The following KCNK13 variants were observed in gnomAD, a reference collection of about 807,000 sequenced individuals.
KCNK13 encodes the protein potassium two pore domain channel subfamily K member 13.
KCNK13 carries 12 observed loss-of-function variants against 23.4 expected under a neutral mutation model. The ratio of observed to expected loss-of-function variants is 0.51; its 90% CI spans 0.33 to 0.83. KCNK13 has a LOEUF of 0.83. Ranked by LOEUF, KCNK13 falls within the 40% of genes least tolerant of loss-of-function variation. The pLI is 0.02. For missense variants in KCNK13, 463 were observed against 556.3 expected (o/e 0.83, Z 1.69); for synonymous variants, 231 against 229.5 (o/e 1.01, Z -0.06).
intron 1 of KCNK13, among the ~76,000 whole-genome samples, chr14:90,087,141 T>TACAC (rs1566949162): frequency 6.1e-5 from 7 of 114,054 alleles, no homozygotes; most frequent in African/African-American, 2.2e-4. Context: ...TATATATATA[T>TACAC]ATATATATAT....
intron 1 of KCNK13, among the ~76,000 whole-genome samples, chr14:90,136,096 A>G (rs1889933664): frequency 6.6e-6 from 1 of 151,940 alleles, no homozygotes; most frequent in Non-Finnish European, 1.5e-5. Flanking sequence ...TGCCACCAAG[A>G]AGGAGATTGG....
chr14:90,079,439 C>G (rs2146868), intron 1 of KCNK13, among the ~76,000 whole-genome samples: 54,080 of 151,932 alleles, frequency 0.36, 10,137 homozygotes, highest in South Asian at 0.49. Flanking sequence ...GGCAAAGGAA[C>G]TGGGTTTTTA....
At chr14:90,085,807 T>TTATATTA (rs58459819) in intron 1 of KCNK13, among the ~76,000 whole-genome samples, 97 of 128,744 alleles carry the variant, frequency 7.5e-4, no homozygotes, top group East Asian at 2.0e-3. Context: ...ATATTATATA[T>TTATATTA]TATATTATAT....
intron 1 of KCNK13, among the ~76,000 whole-genome samples, chr14:90,120,282 ATGTG>A (rs1889722978): frequency 1.3e-5 from 2 of 152,022 alleles, no homozygotes; most frequent in African/African-American, 4.8e-5. Context: ...TCCATACGTG[ATGTG>A]TGTGTGTCTG....
At chr14:90,178,762 C>T (rs376879435) in intron 1 of KCNK13, among the ~76,000 whole-genome samples, 35 of 152,262 alleles carry the variant, frequency 2.3e-4, no homozygotes, top group African/African-American at 7.7e-4. Flanking sequence ...TTTATGTCCT[C>T]GTGTAGCATT....
chr14:90,172,374 G>A lies in KCNK13; in HGVS notation c.335-11737G>A, dbSNP rs151121974. On this transcript the variant is annotated intron_variant, in intron 1 of 1. Transcript: ENST00000282146. ...GAAAAGGATTTTGAGTCACCAGCTT[G>A]TACCCTTGCCTTAGATTTATAGGTG... Among the ~76,000 whole-genome samples, 840 of 151,426 alleles carry A rather than the reference G, an allele frequency of 5.5e-3. 7 individuals are homozygous for A. The highest frequency in any genetic ancestry group is 0.02 in the African/African-American group (807 of 41,314).
At chr14:90,129,344 A>G (rs1325276678) in intron 1 of KCNK13, among the ~76,000 whole-genome samples, 1 of 152,194 alleles carries the variant, frequency 6.6e-6, no homozygotes, top group African/African-American at 2.4e-5. Context: ...CTAGAGGCAC[A>G]TGTGTGAGCG....
intron 1 of KCNK13, among the ~76,000 whole-genome samples, chr14:90,117,414 A>ACC (rs939082963): frequency 3.3e-5 from 5 of 151,844 alleles, no homozygotes; most frequent in African/African-American, 1.2e-4. Flanking sequence ...ACGTGATGAA[A>ACC]CCCCGTCTCT....
intron 1 of KCNK13, among the ~76,000 whole-genome samples, chr14:90,172,496 C>A (rs1890376430): frequency 6.6e-6 from 1 of 152,080 alleles, no homozygotes; most frequent in African/African-American, 2.4e-5. Flanking sequence ...ATTATAGGAT[C>A]CAAACCCTGG....
intron 1 of KCNK13, among the ~76,000 whole-genome samples, chr14:90,100,306 G>A (rs1277612404): frequency 6.6e-6 from 1 of 152,150 alleles, no homozygotes; most frequent in African/African-American, 2.4e-5. Flanking sequence ...CTGCATTTTG[G>A]TGACCTATTT....
At chr14:90,170,504 G>A (rs369483469) in intron 1 of KCNK13, among the ~76,000 whole-genome samples, 19 of 152,228 alleles carry the variant, frequency 1.2e-4, no homozygotes, top group African/African-American at 2.9e-4. Context: ...GTGAGCCACC[G>A]CACCTGGCCT....
intron 1 of KCNK13, among the ~76,000 whole-genome samples, chr14:90,094,718 G>A (rs958488837): frequency 2.0e-5 from 3 of 147,340 alleles, no homozygotes; most frequent in African/African-American, 5.1e-5. Context: ...CGCGATCTCG[G>A]CTCACTGCAA....
At chr14:90,124,597 G>C (rs138151880) in intron 1 of KCNK13, among the ~76,000 whole-genome samples, 242 of 152,318 alleles carry the variant, frequency 1.6e-3, no homozygotes, top group African/African-American at 5.3e-3. Context: ...AGGAAACGGG[G>C]ACCTCGGTCC....
intron 1 of KCNK13, among the ~76,000 whole-genome samples, chr14:90,164,641 T>C (rs1243554524): frequency 6.6e-6 from 1 of 152,212 alleles, no homozygotes; most frequent in Non-Finnish European, 1.5e-5. Context: ...AGTAGTACCA[T>C]AGGAAATTTC....
At chr14:90,081,566 C>T (rs1889210148) in intron 1 of KCNK13, among the ~76,000 whole-genome samples, 1 of 152,200 alleles carries the variant, frequency 6.6e-6, no homozygotes, top group African/African-American at 2.4e-5. Context: ...TCTTCTTTAA[C>T]AGCTTTATCA....
At chr14:90,077,633 G>T (rs1034370789) in intron 1 of KCNK13, among the ~76,000 whole-genome samples, 2 of 152,152 alleles carry the variant, frequency 1.3e-5, no homozygotes, top group African/African-American at 4.8e-5. Context: ...TTGTCTGATG[G>T]CCGTCTGCTG....
chr14:90,096,686 G>T (rs1038862868), intron 1 of KCNK13, among the ~76,000 whole-genome samples: 1 of 152,224 alleles, frequency 6.6e-6, no homozygotes, highest in Non-Finnish European at 1.5e-5. Context: ...GAACTGCAGA[G>T]CAGGAAGCAA....
chr14:90,109,093 C>T (rs1889582095), intron 1 of KCNK13, among the ~76,000 whole-genome samples: 2 of 151,446 alleles, frequency 1.3e-5, no homozygotes, highest in South Asian at 2.1e-4. Flanking sequence ...AGGAGCATGG[C>T]GTGAACCCGG....
chr14:90,077,174 C>G lies in KCNK13; in HGVS notation c.334+14635C>G, dbSNP rs559068106. On this transcript the variant is annotated intron_variant, in intron 1 of 1. Transcript: ENST00000282146. ...CTCTCTCATTGCCCAGGCTGGAGTT[C>G]AATGGTGCGATCTCAGCTCACTGCA... is the stretch of plus-strand genomic sequence containing the variant. Among the ~76,000 whole-genome samples the G allele has an allele frequency of 2.2e-5, 3 of 138,150 alleles. No individual in the cohort carries two copies. The South Asian group carries it at 7.3e-4, about 34-fold the overall frequency. The allele number at this position is 138,150 out of a possible 152,430, so 90.6% of individuals were successfully genotyped here.
Sources: allele counts gnomAD v4.1 joint callset (sites outside exome capture counted in the v4.1 genomes callset), GRCh38; gene constraint gnomAD v4.1.1; transcripts MANE v1.5; gene names NCBI Gene and HGNC (gene_info 2026-07-23, HGNC 2026-07-21).